BICDL1: variants seen among roughly 807,000 people sequenced by gnomAD.
BICDL1 encodes BICD family-like cargo adapter 1.
Under a neutral mutation model 76.8 loss-of-function variants are expected in BICDL1, and 20 were observed. That is an observed-to-expected ratio of 0.26 (90% CI 0.18 to 0.38). The LOEUF (loss-of-function observed/expected upper bound fraction) is 0.38, where lower values mean the gene tolerates loss of function less well. Among genes scored for constraint, BICDL1 ranks in the 10% least tolerant of loss-of-function variants. The pLI is 1.00. For missense variants in BICDL1, 700 were observed against 798.6 expected, an observed-to-expected ratio of 0.88 and a Z score of 1.49; for synonymous variants, 383 against 337.1, an observed-to-expected ratio of 1.14 and a Z score of -1.49.
intron 2 of BICDL1, among the ~76,000 whole-genome samples, chr12:120,008,150 C>CTTTTTTT (rs71072590): frequency 6.5e-5 from 4 of 61,718 alleles, no homozygotes; most frequent in Non-Finnish European, 1.1e-4. Flanking sequence ...ATTACTCTTT[C>CTTTTTTT]TTTTTTTTTT....
intron 2 of BICDL1, among the ~76,000 whole-genome samples, chr12:120,004,150 A>G (rs1016643189): frequency 1.3e-5 from 2 of 152,140 alleles, no homozygotes; most frequent in African/African-American, 4.8e-5. Context: ...TCGAGAATTC[A>G]CCTTAAAATA....
At chr12:120,083,442 T>G (rs1432744253) in intron 8 of BICDL1, among the ~76,000 whole-genome samples, 1 of 151,936 alleles carries the variant, frequency 6.6e-6, no homozygotes. Context: ...CTTTTGTTTT[T>G]TGTAGAGACG....
intron 1 of BICDL1, among the ~76,000 whole-genome samples, chr12:119,998,163 A>G (rs1445436800): frequency 2.0e-5 from 3 of 152,076 alleles, no homozygotes; most frequent in Non-Finnish European, 2.9e-5. Context: ...ATCAAAAAGG[A>G]TTTTAGTTGT....
At position 119,997,109 on chromosome 12, in the gene BICDL1, C is replaced by T. The variant is rs369640919; in HGVS notation, c.430-1412C>T. Among the ~76,000 whole-genome samples the T allele has an allele frequency of 2.6e-5, 4 of 152,160 alleles. No individual in the cohort carries two copies. The East Asian group carries it at 5.8e-4, about 22-fold the overall frequency. On this transcript the variant is annotated intron_variant, in intron 1 of 9. Transcript: ENST00000548673. ...GACTGCAGGCCCTCGCCACCTCGCC[C>T]GGCTAATTTTATATTTTTAGTAGAG...
intron 4 of BICDL1, 82 bp downstream of exon 4, chr12:120,064,961 A>G (rs1953188858): frequency 6.8e-7 from 1 of 1,474,974 alleles, no homozygotes; most frequent in Non-Finnish European, 9.1e-7. Flanking sequence ...CTGGGAGGCC[A>G]GCATCACTGC....
At chr12:120,056,966 G>A in intron 2 of BICDL1, 1 of 447,046 alleles carries the variant, frequency 2.2e-6, no homozygotes, top group Non-Finnish European at 4.4e-6. Context: ...GCTGGGCCCT[G>A]TGCCAAGCCC....
intron 2 of BICDL1, among the ~76,000 whole-genome samples, chr12:120,034,070 G>A (rs776140325): frequency 6.6e-6 from 1 of 152,188 alleles, no homozygotes; most frequent in African/African-American, 2.4e-5. Flanking sequence ...GCATTTTGAT[G>A]AAAGTTTTCA....
At chr12:119,996,631 T>C (rs1951651436) in intron 1 of BICDL1, among the ~76,000 whole-genome samples, 1 of 152,074 alleles carries the variant, frequency 6.6e-6, no homozygotes, top group Non-Finnish European at 1.5e-5. Flanking sequence ...GATGTCAACC[T>C]TCAGTGTGTC....
chr12:120,048,871 T>C (rs372807804), intron 2 of BICDL1, among the ~76,000 whole-genome samples: 144 of 152,268 alleles, frequency 9.5e-4, no homozygotes, highest in African/African-American at 3.2e-3. Context: ...TTCTTGGAGA[T>C]TTTTTTCTTA....
chr12:120,063,086 T>G (rs574856428), intron 3 of BICDL1, among the ~76,000 whole-genome samples: 1 of 152,336 alleles, frequency 6.6e-6, no homozygotes, highest in East Asian at 1.9e-4. Flanking sequence ...TAAGTTACTT[T>G]GTGTAGCTCC....
At chr12:120,045,044 A>G (rs1952718421) in intron 2 of BICDL1, among the ~76,000 whole-genome samples, 1 of 152,218 alleles carries the variant, frequency 6.6e-6, no homozygotes, top group African/African-American at 2.4e-5. Flanking sequence ...GCTAATATCC[A>G]GAATCTACAA....
intron 2 of BICDL1, among the ~76,000 whole-genome samples, chr12:120,044,779 T>C (rs1395230829): frequency 1.3e-5 from 2 of 152,322 alleles, no homozygotes; most frequent in Admixed American, 6.5e-5. Context: ...TCTGTTTTGG[T>C]ACCAGTACCA....
At chr12:120,019,629 A>G (rs1594123525) in intron 2 of BICDL1, among the ~76,000 whole-genome samples, 2 of 152,002 alleles carry the variant, frequency 1.3e-5, no homozygotes, top group South Asian at 2.1e-4. Flanking sequence ...TTTTTTTGAG[A>G]CCGAGTCTGG....
At chr12:120,024,361 C>T (rs1952245378) in intron 2 of BICDL1, among the ~76,000 whole-genome samples, 2 of 152,064 alleles carry the variant, frequency 1.3e-5, no homozygotes, top group Non-Finnish European at 2.9e-5. Context: ...GAAAAATGCA[C>T]TAAATGTCAT....
rs1873823865 is a variant in BICDL1 at position 120,079,712 on chromosome 12, A to G, written c.1453-1175A>G. Among the ~76,000 whole-genome samples the G allele has an allele frequency of 1.3e-5, 2 of 152,242 alleles. No homozygotes were observed. Among genetic ancestry groups the G allele is most frequent in the African/African-American group, 2.4e-5 (1 of 41,464 alleles). On this transcript the variant is annotated intron_variant, in intron 7 of 9. Transcript: ENST00000548673. This position sits in a 1 kb window ranked among gnomAD's most constrained non-coding sequence, Gnocchi z 4.3. ...CTTAATGTAAGCAGAAAGAGAATGT[A>G]TGAGACCTGAAAGCTTACAGAATCA...
intron 7 of BICDL1, 33 bp downstream of exon 7, chr12:120,074,619 C>T: frequency 1.8e-6 from 2 of 1,096,616 alleles, no homozygotes; most frequent in Non-Finnish European, 2.3e-6. Flanking sequence ...CAGTGCAGGG[C>T]ATGTGCACCT....
chr12:120,053,665 TTTCCTGCCC>T (rs1340525842), intron 2 of BICDL1, among the ~76,000 whole-genome samples: 1 of 152,210 alleles, frequency 6.6e-6, no homozygotes, highest in African/African-American at 2.4e-5. Context: ...ATCCTGTATT[TTTCCTGCCC>T]CAACCCTGAA....
intron 2 of BICDL1, among the ~76,000 whole-genome samples, chr12:120,023,352 T>C (rs1021111939): frequency 6.6e-6 from 1 of 152,186 alleles, no homozygotes; most frequent in African/African-American, 2.4e-5. Context: ...TAACAAATCT[T>C]AAAAGCAAGA....
intron 2 of BICDL1, among the ~76,000 whole-genome samples, chr12:120,038,370 A>G (rs899990672): frequency 2.6e-5 from 4 of 152,224 alleles, no homozygotes; most frequent in Admixed American, 1.3e-4. Context: ...GTAATAAGAA[A>G]TGACTTATAA....
Sources: gnomAD v4.1 joint callset for allele counts (sites outside exome capture counted in the v4.1 genomes callset) on GRCh38, gnomAD v4.1.1 for gene constraint, Gnocchi (gnomAD v3.1) non-coding constraint, MANE v1.5 for transcripts, NCBI Gene and HGNC (gene_info 2026-07-23, HGNC 2026-07-21) for gene names.